The following SLC39A11 variants were observed in gnomAD, a reference collection of about 807,000 sequenced individuals.
SLC39A11 encodes solute carrier family 39 member 11.
SLC39A11 carries 33 observed loss-of-function variants against 36.1 expected under a neutral mutation model. That is an observed-to-expected ratio of 0.91 (90% confidence interval 0.69 to 1.22). The LOEUF is 1.22. SLC39A11 is among the 50% of genes most tolerant of loss of function. The probability of loss-of-function intolerance (pLI) is 0.00; values close to 1 mark genes in which losing one functional copy is unlikely to be tolerated. For missense variants in SLC39A11, 432 were observed against 430.3 expected (o/e 1.00, Z -0.03); for synonymous variants, 166 against 170.3 (o/e 0.97, Z 0.20).
chr17:72,908,746 G>A (rs555038950), intron 5 of SLC39A11, among the ~76,000 whole-genome samples: 11 of 152,346 alleles, frequency 7.2e-5, no homozygotes, highest in African/African-American at 2.2e-4. Flanking sequence ...TTATATGGGT[G>A]AGGCCTTCAC....
chr17:72,888,859 G>A (rs2081575076), intron 5 of SLC39A11, among the ~76,000 whole-genome samples: 1 of 151,984 alleles, frequency 6.6e-6, no homozygotes, highest in East Asian at 1.9e-4. Context: ...CTATGATTGT[G>A]GCCCTACACT....
At chr17:72,717,262 A>G (rs1253395846) in intron 7 of SLC39A11, among the ~76,000 whole-genome samples, 1 of 151,964 alleles carries the variant, frequency 6.6e-6, no homozygotes, top group Non-Finnish European at 1.5e-5. Context: ...AAGCTAAGAG[A>G]GGACCTCAGG....
chr17:72,948,846 G>A (rs1312467657), intron 4 of SLC39A11, among the ~76,000 whole-genome samples: 1 of 152,098 alleles, frequency 6.6e-6, no homozygotes, highest in Non-Finnish European at 1.5e-5. Flanking sequence ...CTTGTGTTCC[G>A]CTTGGGAGTA....
At chr17:72,729,434 TATATA>T in intron 7 of SLC39A11, among the ~76,000 whole-genome samples, 2 of 3,470 alleles carry the variant, frequency 5.8e-4, no homozygotes, top group East Asian at 3.8e-3. Flanking sequence ...TATATATATA[TATATA>T]TATATATATA....
At chr17:72,725,143 A>T (rs901699286) in intron 7 of SLC39A11, among the ~76,000 whole-genome samples, 3 of 152,232 alleles carry the variant, frequency 2.0e-5, no homozygotes, top group Non-Finnish European at 4.4e-5. Context: ...TTATGTTTTT[A>T]AGTCACTAGA....
At chr17:73,004,448 A>G (rs2090073868) in intron 4 of SLC39A11, among the ~76,000 whole-genome samples, 1 of 152,160 alleles carries the variant, frequency 6.6e-6, no homozygotes, top group South Asian at 2.1e-4. Flanking sequence ...GTCTCTTCTT[A>G]AAAGGACACT....
At chr17:73,050,195 T>A (rs2059445909) in intron 3 of SLC39A11, among the ~76,000 whole-genome samples, 3 of 151,726 alleles carry the variant, frequency 2.0e-5, no homozygotes, top group Non-Finnish European at 4.4e-5. Flanking sequence ...ACTTGGGTAG[T>A]CAGGGAAGGC....
intron 6 of SLC39A11, among the ~76,000 whole-genome samples, chr17:72,794,416 T>C (rs988165139): frequency 2.0e-5 from 3 of 152,104 alleles, no homozygotes; most frequent in Admixed American, 6.5e-5. Flanking sequence ...ATTTTTCTAA[T>C]TGAGTGAGAA....
intron 7 of SLC39A11, among the ~76,000 whole-genome samples, chr17:72,686,682 C>T (rs1400397530): frequency 6.6e-6 from 1 of 152,218 alleles, no homozygotes; most frequent in African/African-American, 2.4e-5. Context: ...CTAGCCTCAG[C>T]GTGTGCTCCA....
At chr17:73,048,292 G>A (rs1035857838) in intron 3 of SLC39A11, among the ~76,000 whole-genome samples, 4 of 151,930 alleles carry the variant, frequency 2.6e-5, no homozygotes, top group African/African-American at 9.7e-5. Context: ...GCGGTATTTG[G>A]TTTTCTGTTT....
chr17:72,797,001 G>A (rs1239182496), intron 6 of SLC39A11, among the ~76,000 whole-genome samples: 6 of 152,132 alleles, frequency 3.9e-5, no homozygotes, highest in East Asian at 3.8e-4. Context: ...GGATGGGGCC[G>A]TCCCTGAACT....
At chr17:73,071,972 G>A (rs945471372) in intron 3 of SLC39A11, among the ~76,000 whole-genome samples, 7 of 152,064 alleles carry the variant, frequency 4.6e-5, no homozygotes, top group Non-Finnish European at 7.4e-5. Context: ...CTAAACAAAC[G>A]AAAGAACGAA....
At chr17:72,880,968 T>C (rs79549660) in intron 5 of SLC39A11, among the ~76,000 whole-genome samples, 1 of 44,790 alleles carries the variant, frequency 2.2e-5, no homozygotes, top group Non-Finnish European at 3.8e-5. Flanking sequence ...GGCGTGAGCC[T>C]CTGCACCCGG....
chr17:72,823,540 C>T (rs1294756404), intron 6 of SLC39A11: 1 of 151,394 alleles, frequency 6.6e-6, no homozygotes, highest in East Asian at 1.9e-4. Flanking sequence ...GCCATCCATC[C>T]ACTTGCCTCC....
chr17:72,891,408 C>CA (rs1403623348), intron 5 of SLC39A11, among the ~76,000 whole-genome samples: 3 of 151,956 alleles, frequency 2.0e-5, no homozygotes, highest in Non-Finnish European at 4.4e-5. Context: ...TCTACCCTCT[C>CA]AAAAAAACAG....
chr17:72,961,878 A>C (rs2086636873), intron 4 of SLC39A11, among the ~76,000 whole-genome samples: 1 of 152,232 alleles, frequency 6.6e-6, no homozygotes, highest in South Asian at 2.1e-4. Flanking sequence ...CCTAGAACTT[A>C]AAGTATAATA....
intron 5 of SLC39A11, among the ~76,000 whole-genome samples, chr17:72,924,071 C>T (rs1025632932): frequency 7.4e-5 from 11 of 149,456 alleles, no homozygotes; most frequent in Middle Eastern, 3.2e-3. Flanking sequence ...CACTTGAGCC[C>T]GGGCTATCAA....
At position 72,935,607 on chromosome 17, in the gene SLC39A11, C is replaced by T. The variant is rs935364701; in HGVS notation, c.430+12145G>A. Among the ~76,000 whole-genome samples the T allele has an allele frequency of 2.6e-5, 4 of 152,276 alleles. 1 individual carries two copies. The South Asian group carries it at 8.3e-4, about 32-fold the overall frequency. On this transcript the variant is annotated intron_variant, in intron 5 of 9. Transcript: ENST00000255559. ...AGCAATTCTTTTTGAGACAGAGTCTCGCTCTGCAGCCCAGGCTGGAGTGCA... is the reference window on the plus strand; with the variant it reads ...AGCAATTCTTTTTGAGACAGAGTCTTGCTCTGCAGCCCAGGCTGGAGTGCA...
intron 6 of SLC39A11, among the ~76,000 whole-genome samples, chr17:72,751,935 A>G (rs1408318219): frequency 6.6e-6 from 1 of 151,498 alleles, no homozygotes; most frequent in Non-Finnish European, 1.5e-5. Context: ...CCAGATCCCC[A>G]TTCCTCCTCC....
Sources: allele counts gnomAD v4.1 joint callset (sites outside exome capture counted in the v4.1 genomes callset), GRCh38; gene constraint gnomAD v4.1.1; transcripts MANE v1.5; gene names NCBI Gene and HGNC (gene_info 2026-07-23, HGNC 2026-07-21).